The following ODAD2 variants were observed in gnomAD, a reference collection of about 807,000 sequenced individuals.
ODAD2 encodes outer dynein arm-docking complex subunit 2.
ODAD2 carries 89 observed loss-of-function variants against 106.8 expected under a neutral mutation model. The observed-to-expected ratio is 0.83, with a 90% confidence interval of 0.70 to 0.99. The LOEUF (loss-of-function observed/expected upper bound fraction) is 0.99. ODAD2 is among the 50% of genes least tolerant of loss of function. The pLI is 0.00. For synonymous variants in ODAD2, 404 were observed against 436.2 expected (o/e 0.93, Z 0.92); for missense variants, 1,168 against 1,238.5 (o/e 0.94, Z 0.85).
intron 17 of ODAD2, among the ~76,000 whole-genome samples, chr10:27,893,587 C>T (rs1842694307): frequency 6.6e-6 from 1 of 152,108 alleles, no homozygotes; most frequent in South Asian, 2.1e-4. Context: ...AATCCTATGA[C>T]TCATAAGTTA....
chr10:27,831,963 A>C lies in ODAD2; in HGVS notation c.3022-19338T>G, dbSNP rs185607419. Among the ~76,000 whole-genome samples, 135 of 152,366 alleles carry C rather than the reference A, an allele frequency of 8.9e-4. 2 individuals are homozygous for C. The highest frequency in any genetic ancestry group is 3.0e-3 in the African/African-American group (126 of 41,594). On this transcript the variant is annotated intron_variant, in intron 19 of 19. Transcript: ENST00000305242. ...CCCTTCTAGGTGCCTGCCTTGACCC[A>C]CAGTGCATCATTGCTCCTGCACAAC...
chr10:27,867,932 G>A (rs1360486906), intron 17 of ODAD2, among the ~76,000 whole-genome samples: 1 of 150,240 alleles, frequency 6.7e-6, no homozygotes, highest in Non-Finnish European at 1.5e-5. Flanking sequence ...CTGGGTGACA[G>A]AGCAAAACTC....
chr10:27,982,193 CATAACT>C (rs1263954822), intron 6 of ODAD2, among the ~76,000 whole-genome samples: 1 of 152,016 alleles, frequency 6.6e-6, no homozygotes, highest in Non-Finnish European at 1.5e-5. Flanking sequence ...ACACACATCA[CATAACT>C]ATATGTATAT....
chr10:27,816,913 C>T (rs1277635762), intron 19 of ODAD2, among the ~76,000 whole-genome samples: 1 of 152,108 alleles, frequency 6.6e-6, no homozygotes, highest in Non-Finnish European at 1.5e-5. Context: ...CCACACCCAG[C>T]TAATTTTTGT....
chr10:27,974,436 T>A (rs1426390243), intron 7 of ODAD2, among the ~76,000 whole-genome samples: 2 of 152,244 alleles, frequency 1.3e-5, no homozygotes, highest in Non-Finnish European at 2.9e-5. Context: ...AGTTTCAATC[T>A]TCTGCATATG....
At chr10:27,943,580 AGTTC>A (rs1171193597) in intron 12 of ODAD2, among the ~76,000 whole-genome samples, 1 of 152,008 alleles carries the variant, frequency 6.6e-6, no homozygotes, top group Non-Finnish European at 1.5e-5. Flanking sequence ...TGAGCTCAGG[AGTTC>A]AAGACCAGCC....
At chr10:27,914,961 A>G (rs1269786271) in intron 16 of ODAD2, among the ~76,000 whole-genome samples, 1 of 152,004 alleles carries the variant, frequency 6.6e-6, no homozygotes, top group African/African-American at 2.4e-5. Context: ...ATTAAATGAA[A>G]CAACATATGC....
rs1837679533 is a variant in ODAD2, at chr10:27,834,071, G to T, written c.3022-21446C>A. Among the ~76,000 whole-genome samples, 3 of 152,206 alleles carry T rather than the reference G, an allele frequency of 2.0e-5. No homozygotes were observed. The South Asian group carries it at 6.2e-4, about 32-fold the overall frequency. On this transcript the variant is annotated intron_variant, in intron 19 of 19. Transcript: ENST00000305242. The stretch of plus-strand genomic sequence containing the variant: ...AGGCCCTGCTCTGCTCTCCAGCTTG[G>T]ACATCCCGGTGTGTCACTGACAACC...
At chr10:27,996,373 TG>T (rs1850559705) in intron 1 of ODAD2, among the ~76,000 whole-genome samples, 4 of 152,214 alleles carry the variant, frequency 2.6e-5, no homozygotes, top group Admixed American at 2.0e-4. Context: ...AGGAGATCAC[TG>T]GATGGCAACA....
intron 19 of ODAD2, among the ~76,000 whole-genome samples, chr10:27,824,808 C>A (rs1836909416): frequency 6.6e-6 from 1 of 152,104 alleles, no homozygotes; most frequent in African/African-American, 2.4e-5. Flanking sequence ...GTTGTTAGAT[C>A]CATTTTCTGA....
intron 17 of ODAD2, among the ~76,000 whole-genome samples, chr10:27,895,925 T>C (rs1423599544): frequency 6.6e-6 from 1 of 152,208 alleles, no homozygotes; most frequent in Non-Finnish European, 1.5e-5. Flanking sequence ...GAGACAAATA[T>C]AATATTCAGC....
chr10:27,929,451 T>G (rs952040673), intron 16 of ODAD2, among the ~76,000 whole-genome samples: 2 of 152,206 alleles, frequency 1.3e-5, no homozygotes, highest in African/African-American at 4.8e-5. Context: ...AAAATATAGA[T>G]GACTCTCCCT....
intron 17 of ODAD2, among the ~76,000 whole-genome samples, chr10:27,887,255 G>A (rs1179308906): frequency 6.6e-6 from 1 of 151,948 alleles, no homozygotes; most frequent in East Asian, 1.9e-4. Context: ...AAAAATTGTT[G>A]CAAGACACAA....
In ODAD2 at chr10:27,826,318, T is replaced by C. The variant is rs11006734; in HGVS notation, c.3022-13693A>G. On this transcript the variant is annotated intron_variant, in intron 19 of 19. Transcript: ENST00000305242. The stretch of plus-strand genomic sequence containing the variant: ...GGCTCTCAACCAGGCTTCCGGATCA[T>C]GTACATCCATTGCAGCAATGGCACA... Among the ~76,000 whole-genome samples, 6 of 152,338 alleles carry C rather than the reference T, an allele frequency of 3.9e-5. No homozygotes were observed. The East Asian group carries it at 1.2e-3, about 29-fold the overall frequency.
At chr10:27,990,890 A>G (rs1054625603) in intron 2 of ODAD2, among the ~76,000 whole-genome samples, 2 of 152,180 alleles carry the variant, frequency 1.3e-5, no homozygotes, top group Non-Finnish European at 2.9e-5. Flanking sequence ...GTGGAGTGAG[A>G]TTTAAAAATA....
chr10:27,986,655 A>G (rs1167548382), intron 3 of ODAD2, among the ~76,000 whole-genome samples: 1 of 152,224 alleles, frequency 6.6e-6, no homozygotes, highest in African/African-American at 2.4e-5. Flanking sequence ...CCAGAAACCC[A>G]TTGGTCACAT....
Position 27,944,906 on chromosome 10 carries a change from T to C in ODAD2, c.1443A>G (p.Leu481=). 1.2e-6 allele frequency: 2 copies of C among 1,614,212 alleles called. No homozygotes were observed. Among genetic ancestry groups the C allele is most frequent in the Non-Finnish European group, 1.7e-6 (2 of 1,180,020 alleles). The change falls in exon 11 of 20, where the codon TTA becomes TTG. Residue 481 remains leucine, a synonymous_variant. Coordinates refer to ENST00000305242, the MANE Select transcript of ODAD2 (RefSeq NM_018076.5). The stretch of plus-strand genomic sequence containing the variant: ...TGGCCAACTGGCAGGTTTCTTGAGC[T>C]AAGCTGAAATCCCTCATTGAACACA... ...IALCSMRDFS[L]AQETCQLAIR... is the part of the protein sequence containing the mutation.
intron 17 of ODAD2, among the ~76,000 whole-genome samples, chr10:27,889,180 G>A (rs1448121172): frequency 6.6e-6 from 1 of 152,212 alleles, no homozygotes; most frequent in Non-Finnish European, 1.5e-5. Context: ...AAGGTTGCCT[G>A]TGGCTGCTTC....
At chr10:27,884,257 C>T (rs1314732178) in intron 17 of ODAD2, among the ~76,000 whole-genome samples, 5 of 152,100 alleles carry the variant, frequency 3.3e-5, no homozygotes, top group Non-Finnish European at 5.9e-5. Flanking sequence ...AGATGGTGAA[C>T]TTGGAAGCTC....
Sources: gnomAD v4.1 joint callset for allele counts (sites outside exome capture counted in the v4.1 genomes callset) on GRCh38, gnomAD v4.1.1 for gene constraint, MANE v1.5 for transcripts, NCBI Gene and HGNC (gene_info 2026-07-23, HGNC 2026-07-21) for gene names.